Variants in CNTN3 observed in about 807,000 individuals in gnomAD.
CNTN3 encodes the protein contactin 3, also known as contactin-3.
A neutral mutation model predicts 119.1 loss-of-function variants in CNTN3; 60 were observed. That is an observed-to-expected ratio of 0.50 (90% CI 0.41 to 0.62). CNTN3 has a LOEUF of 0.62. CNTN3 is among the 20% of genes least tolerant of loss of function. The probability of loss-of-function intolerance (pLI) is 0.00; values close to 1 mark genes in which losing one functional copy is unlikely to be tolerated. For synonymous variants in CNTN3, 450 were observed against 438.7 expected, an observed-to-expected ratio of 1.03 and a Z score of -0.32; for missense variants, 1,101 against 1,242.4, an observed-to-expected ratio of 0.89 and a Z score of 1.71.
intron 1 of CNTN3, among the ~76,000 whole-genome samples, chr3:74,610,853 T>A (rs1271873985): frequency 2.6e-5 from 4 of 152,106 alleles, no homozygotes; most frequent in Admixed American, 2.0e-4. Context: ...AGGTCTGAGT[T>A]GTACTAGTTC....
chr3:74,353,743 G>A (rs1008738308), intron 11 of CNTN3, among the ~76,000 whole-genome samples: 1 of 151,828 alleles, frequency 6.6e-6, no homozygotes, highest in Non-Finnish European at 1.5e-5. Flanking sequence ...GGGACAGAGC[G>A]AGACTCCGTC....
intron 4 of CNTN3, among the ~76,000 whole-genome samples, chr3:74,433,613 G>C (rs1410583381): frequency 1.3e-5 from 2 of 152,060 alleles, no homozygotes; most frequent in African/African-American, 4.8e-5. Context: ...TTCCACATAG[G>C]TATTTCATAG....
intron 3 of CNTN3, among the ~76,000 whole-genome samples, chr3:74,498,792 T>A (rs1575784637): frequency 6.6e-6 from 1 of 151,784 alleles, no homozygotes; most frequent in Non-Finnish European, 1.5e-5. Context: ...ATAGTGTGAA[T>A]GGGGTTTTCA....
intron 5 of CNTN3, among the ~76,000 whole-genome samples, chr3:74,424,468 G>T (rs1251809703): frequency 8.0e-6 from 1 of 125,128 alleles, no homozygotes; most frequent in African/African-American, 2.9e-5. Context: ...GTGTGTGTGT[G>T]TGTGACAGAG....
chr3:74,415,827 A>G (rs766350283), intron 5 of CNTN3, among the ~76,000 whole-genome samples: 55 of 152,248 alleles, frequency 3.6e-4, no homozygotes, highest in Middle Eastern at 3.4e-3. Flanking sequence ...CCTAATCTAC[A>G]TGATAGAAAG....
chr3:74,418,165 G>T (rs1304533997), intron 5 of CNTN3, among the ~76,000 whole-genome samples: 1 of 152,032 alleles, frequency 6.6e-6, no homozygotes, highest in East Asian at 1.9e-4. Context: ...ATGCAAATGT[G>T]ATGGGAGCCA....
At chr3:74,270,881 G>T (rs574150354) in intron 20 of CNTN3, among the ~76,000 whole-genome samples, 1 of 151,884 alleles carries the variant, frequency 6.6e-6, no homozygotes, top group Non-Finnish European at 1.5e-5. Context: ...AGAAAAAACT[G>T]GTAAAAAACT....
intron 1 of CNTN3, among the ~76,000 whole-genome samples, chr3:74,531,097 A>G (rs1478650388): frequency 6.6e-6 from 1 of 152,028 alleles, no homozygotes; most frequent in Non-Finnish European, 1.5e-5. Flanking sequence ...AAAAGAAGCC[A>G]AAACATTATT....
intron 4 of CNTN3, among the ~76,000 whole-genome samples, chr3:74,442,145 G>T (rs1360975336): frequency 9.8e-6 from 1 of 102,410 alleles, no homozygotes; most frequent in African/African-American, 4.8e-5. Context: ...GTGCATGCAA[G>T]TACACACACA....
rs113468369 is a variant in CNTN3, at chr3:74,528,844, C to T, written c.-80-7652G>A. On this transcript the variant is annotated intron_variant, in intron 1 of 22. Coordinates refer to ENST00000263665, the MANE Select transcript of CNTN3 (RefSeq NM_020872.3). The stretch of plus-strand genomic sequence containing the variant: ...CTTGACTATTAACATAAAAATTCCA[C>T]TGCTTGATTTCAAGCACATGCACTG... 4.5e-4 allele frequency among the ~76,000 whole-genome samples: 68 copies of T among 151,978 alleles called. 1 individual carries two copies. Among genetic ancestry groups the T allele is most frequent in the African/African-American group, 1.6e-3 (65 of 41,516 alleles).
At chr3:74,507,207 C>T (rs1348386098) in intron 2 of CNTN3, among the ~76,000 whole-genome samples, 1 of 151,988 alleles carries the variant, frequency 6.6e-6, no homozygotes, top group African/African-American at 2.4e-5. Flanking sequence ...TCATAGGAAG[C>T]CAAGAGTTCA....
At chr3:74,525,582 C>A (rs1356246332) in intron 1 of CNTN3, among the ~76,000 whole-genome samples, 1 of 151,854 alleles carries the variant, frequency 6.6e-6, no homozygotes, top group Non-Finnish European at 1.5e-5. Flanking sequence ...TAAGAATATT[C>A]TACTATTCAC....
intron 20 of CNTN3, among the ~76,000 whole-genome samples, chr3:74,275,919 C>T (rs1701870230): frequency 6.6e-6 from 1 of 151,962 alleles, no homozygotes; most frequent in Non-Finnish European, 1.5e-5. Context: ...TAGGGACTCA[C>T]ATGAAAACTT....
intron 4 of CNTN3, among the ~76,000 whole-genome samples, chr3:74,468,345 G>A (rs7651236): frequency 0.13 from 20,217 of 152,092 alleles, 1,677 homozygotes; most frequent in East Asian, 0.46. Context: ...AGCTAGCCAA[G>A]GCTACATATC....
chr3:74,454,666 T>C (rs1371823266), intron 4 of CNTN3, among the ~76,000 whole-genome samples: 3 of 152,140 alleles, frequency 2.0e-5, no homozygotes, highest in Non-Finnish European at 2.9e-5. Context: ...TTCCTTTCCA[T>C]GTCTAGTGCT....
chr3:74,565,557 A>C (rs1202753144), intron 1 of CNTN3, among the ~76,000 whole-genome samples: 1 of 152,168 alleles, frequency 6.6e-6, no homozygotes, highest in Non-Finnish European at 1.5e-5. Context: ...CCAGTGATGA[A>C]GATGTGGACA....
intron 2 of CNTN3, among the ~76,000 whole-genome samples, chr3:74,513,643 CA>C (rs75230040): frequency 2.9e-3 from 379 of 129,394 alleles, no homozygotes; most frequent in East Asian, 7.2e-3. Context: ...CCGAGCAGTC[CA>C]AAAAAAAAAA....
intron 4 of CNTN3, among the ~76,000 whole-genome samples, chr3:74,427,660 C>T (rs796930347): frequency 1.3e-5 from 2 of 152,080 alleles, no homozygotes; most frequent in South Asian, 4.1e-4. Context: ...TGGTGAAAGA[C>T]CGAGTGCTTT....
intron 1 of CNTN3, among the ~76,000 whole-genome samples, chr3:74,535,428 T>C (rs759658208): frequency 3.3e-5 from 5 of 152,126 alleles, no homozygotes; most frequent in Non-Finnish European, 7.4e-5. Flanking sequence ...CATTTGTTTT[T>C]ATACAAATAG....
Sources: allele counts gnomAD v4.1 joint callset (sites outside exome capture counted in the v4.1 genomes callset), GRCh38; gene constraint gnomAD v4.1.1; transcripts MANE v1.5; gene names NCBI Gene and HGNC (gene_info 2026-07-23, HGNC 2026-07-21).